The following ADCY10 variants were observed in gnomAD, a reference collection of about 807,000 sequenced individuals.
The protein encoded by ADCY10 is adenylate cyclase 10.
Under a neutral mutation model 183.3 loss-of-function variants are expected in ADCY10, and 156 were observed. The observed-to-expected ratio is 0.85, with a 90% confidence interval of 0.75 to 0.97. The LOEUF (loss-of-function observed/expected upper bound fraction) is 0.97. Ranked by LOEUF, ADCY10 falls within the 50% of genes least tolerant of loss-of-function variation. The pLI is 0.00. For synonymous variants in ADCY10, 645 were observed against 670.0 expected, an observed-to-expected ratio of 0.96 and a Z score of 0.58; for missense variants, 1,745 against 1,934.3, an observed-to-expected ratio of 0.90 and a Z score of 1.84.
At chr1:167,814,506 T>A (rs1662402512) in intron 31 of ADCY10, among the ~76,000 whole-genome samples, 1 of 151,354 alleles carries the variant, frequency 6.6e-6, no homozygotes, top group Non-Finnish European at 1.5e-5. Flanking sequence ...AGATCGTCAA[T>A]ATATATGAAG....
intron 14 of ADCY10, among the ~76,000 whole-genome samples, chr1:167,864,762 A>T (rs1050581289): frequency 6.6e-6 from 1 of 152,178 alleles, no homozygotes; most frequent in African/African-American, 2.4e-5. Context: ...ACACTCTAAT[A>T]CCACTTTGTT....
At chr1:167,902,203 A>T in intron 3 of ADCY10, 149 bp from the exon 4 acceptor site, 1 of 817,966 alleles carries the variant, frequency 1.2e-6, no homozygotes, top group Non-Finnish European at 2.0e-6. Flanking sequence ...CAGACAAGCC[A>T]CTTAACCCAT....
intron 31 of ADCY10, among the ~76,000 whole-genome samples, chr1:167,815,398 G>A (rs1410890834): frequency 6.6e-6 from 1 of 152,170 alleles, no homozygotes; most frequent in African/African-American, 2.4e-5. Flanking sequence ...GAGTCTAACT[G>A]ATCTTGGGGA....
At chr1:167,847,312 A>G (rs761450695) in intron 19 of ADCY10, among the ~76,000 whole-genome samples, 1 of 152,188 alleles carries the variant, frequency 6.6e-6, no homozygotes, top group Non-Finnish European at 1.5e-5. Context: ...CTTTCTAAAC[A>G]TTGAAAGTTG....
intron 21 of ADCY10, among the ~76,000 whole-genome samples, chr1:167,837,815 C>A (rs570622965): frequency 4.5e-4 from 68 of 152,306 alleles, no homozygotes; most frequent in Non-Finnish European, 5.0e-4. Flanking sequence ...AAAGTGACAT[C>A]AATTTCCAGT....
At chr1:167,821,945 T>C in intron 30 of ADCY10, 79 bp downstream of exon 30, 1 of 1,010,160 alleles carries the variant, frequency 9.9e-7, no homozygotes, top group Non-Finnish European at 1.6e-6. Context: ...GAATACTTTC[T>C]AAAAGATTTT....
Position 167,845,577 on chromosome 1 carries a change from G to C in ADCY10, c.2993C>G (p.Ser998Cys). The change falls in exon 21 of 33, where the codon TCT (serine) becomes TGT (cysteine). Residue 998 changes from serine (S) to cysteine (C), a missense_variant. Transcript: ENST00000367851. ...AAGTAGGTTACTTTTAAATCCATGA[G>C]ACATAGCCATCTTTTTAATGGCATC... is the stretch of plus-strand genomic sequence containing the variant. ...DMDAIKKMAM[S>C]HGFKTEEKLI... 1 of 1,614,160 alleles carries C rather than the reference G, an allele frequency of 6.2e-7. No homozygotes were observed. Among genetic ancestry groups the C allele is most frequent in the Non-Finnish European group, 8.5e-7 (1 of 1,180,002 alleles).
At chr1:167,860,170 A>C (rs1666191563) in intron 15 of ADCY10, among the ~76,000 whole-genome samples, 1 of 152,200 alleles carries the variant, frequency 6.6e-6, no homozygotes, top group Admixed American at 6.5e-5. Context: ...TGAAATAATT[A>C]TACAACTCAC....
chr1:167,809,805 T>C lies in ADCY10; in HGVS notation c.4706A>G (p.Asp1569Gly). 1 of 1,614,156 alleles carries C rather than the reference T, an allele frequency of 6.2e-7. No homozygotes were observed. The highest frequency in any genetic ancestry group is 2.2e-5 in the East Asian group (1 of 44,872). Residue 1569 changes from aspartate to glycine, a missense_variant, in exon 33 of 33, where the codon GAC becomes GGC. Asp to Gly is a moderately conservative substitution (Grantham distance 94). Transcript: ENST00000367851. ...SWYSTSELKE[D>G]QWLQTILSLP... is the part of the protein sequence containing the mutation. The stretch of plus-strand genomic sequence containing the variant: ...ACTCAAGATCGTCTGAAGCCATTGG[T>C]CTTCTTTTAACTCAGAGGTTGAGTA...
Position 167,809,787 on chromosome 1 carries a change from A to G in ADCY10, c.4724T>C (p.Ile1575Thr). 1 of 1,614,196 alleles carries G rather than the reference A, an allele frequency of 6.2e-7. No homozygotes were observed. ...ELKEDQWLQT[I>T]LSLPSWEKIV... ...TTTTTCCCATGATGGGAGACTCAAG[A>G]TCGTCTGAAGCCATTGGTCTTCTTT... Residue 1575 changes from isoleucine (I) to threonine (T), a missense_variant, in exon 33 of 33, where the codon ATC becomes ACC. By Grantham distance (89) the Ile-to-Thr change is moderately conservative. Transcript: ENST00000367851.
chr1:167,862,439 C>G (rs915271547), intron 14 of ADCY10, among the ~76,000 whole-genome samples: 1 of 152,102 alleles, frequency 6.6e-6, no homozygotes, highest in Non-Finnish European at 1.5e-5. Flanking sequence ...ATCTTTGGAA[C>G]ACCAAAGATG....
At chr1:167,843,742 C>T (rs1373012219) in intron 21 of ADCY10, among the ~76,000 whole-genome samples, 2 of 152,174 alleles carry the variant, frequency 1.3e-5, no homozygotes, top group Non-Finnish European at 2.9e-5. Flanking sequence ...AATGCAGCCA[C>T]AGGCCACTTC....
intron 11 of ADCY10, among the ~76,000 whole-genome samples, 192 bp from the exon 12 acceptor site, chr1:167,878,827 C>A (rs1667677440): frequency 6.6e-6 from 1 of 152,178 alleles, no homozygotes. Flanking sequence ...AGTTAGTTAG[C>A]CATTAGCAAA....
At chr1:167,831,338 C>T (rs1004108277) in intron 25 of ADCY10, among the ~76,000 whole-genome samples, 17 of 152,028 alleles carry the variant, frequency 1.1e-4, no homozygotes, top group African/African-American at 3.6e-4. Context: ...TACAGGTGCA[C>T]GCCACCACGC....
chr1:167,895,882 A>G (rs575928297), intron 7 of ADCY10, among the ~76,000 whole-genome samples: 1 of 152,362 alleles, frequency 6.6e-6, no homozygotes, highest in South Asian at 2.1e-4. Flanking sequence ...TGAAGTCACC[A>G]ACATTTAAGA....
intron 18 of ADCY10, among the ~76,000 whole-genome samples, chr1:167,854,118 G>A (rs1356377964): frequency 2.0e-5 from 3 of 152,080 alleles, no homozygotes; most frequent in African/African-American, 4.8e-5. Context: ...AGATTTAGGC[G>A]TGAGCCACCG....
chr1:167,882,822 G>A (rs1365915188), intron 9 of ADCY10, among the ~76,000 whole-genome samples: 4 of 152,046 alleles, frequency 2.6e-5, no homozygotes, highest in Admixed American at 6.5e-5. Flanking sequence ...TAAGCAAAAC[G>A]TAATCTCGCC....
At chr1:167,816,984 T>A (rs1243358305) in intron 31 of ADCY10, among the ~76,000 whole-genome samples, 1 of 152,214 alleles carries the variant, frequency 6.6e-6, no homozygotes, top group African/African-American at 2.4e-5. Flanking sequence ...TTCAATTATG[T>A]CTACTTATGT....
At chr1:167,905,598 T>C (rs1669758772) in intron 1 of ADCY10, among the ~76,000 whole-genome samples, 1 of 143,840 alleles carries the variant, frequency 7.0e-6, no homozygotes, top group South Asian at 2.1e-4. Flanking sequence ...TTTTCTCTCT[T>C]TAAAAAAAAA....
Sources: gnomAD v4.1 joint callset for allele counts (sites outside exome capture counted in the v4.1 genomes callset) on GRCh38, gnomAD v4.1.1 for gene constraint, MANE v1.5 for transcripts, NCBI Gene and HGNC (gene_info 2026-07-23, HGNC 2026-07-21) for gene names.